OPCML: variants seen among roughly 807,000 people sequenced by gnomAD.
OPCML encodes opioid binding protein/cell adhesion molecule like, also known as opioid-binding protein/cell adhesion molecule.
Under a neutral mutation model 37.8 loss-of-function variants are expected in OPCML, and 13 were observed. The ratio of observed to expected loss-of-function variants is 0.34; its 90% CI spans 0.22 to 0.55. The LOEUF (loss-of-function observed/expected upper bound fraction) is 0.55. OPCML is among the 20% of genes least tolerant of loss of function. The pLI, the probability that OPCML is intolerant of heterozygous loss-of-function variation, is 0.91. For synonymous variants in OPCML, 176 were observed against 168.8 expected (o/e 1.04, Z -0.33); for missense variants, 341 against 435.6 (o/e 0.78, Z 1.93).
At chr11:133,061,954 C>A (rs1449989229) in intron 1 of OPCML, among the ~76,000 whole-genome samples, 2 of 152,008 alleles carry the variant, frequency 1.3e-5, no homozygotes, top group Non-Finnish European at 2.9e-5. Flanking sequence ...TTGAGGAAGC[C>A]CATTGGATGG....
At chr11:132,865,271 T>C (rs1419313927) in intron 2 of OPCML, among the ~76,000 whole-genome samples, 1 of 152,206 alleles carries the variant, frequency 6.6e-6, no homozygotes, top group African/African-American at 2.4e-5. Flanking sequence ...CAAATATGGT[T>C]TGTTCATCAT....
chr11:132,613,129 C>T (rs138041832), intron 3 of OPCML, among the ~76,000 whole-genome samples: 183 of 152,284 alleles, frequency 1.2e-3, no homozygotes, highest in African/African-American at 3.8e-3. Context: ...GAGCTGCTGG[C>T]GGGGATGTCA....
At chr11:132,565,458 C>T (rs1288724255) in intron 3 of OPCML, among the ~76,000 whole-genome samples, 1 of 152,130 alleles carries the variant, frequency 6.6e-6, no homozygotes, top group East Asian at 1.9e-4. Context: ...TGAATGGACC[C>T]ACAGGGACCA....
At chr11:133,375,656 T>C (rs192784835) in intron 1 of OPCML, among the ~76,000 whole-genome samples, 1 of 152,272 alleles carries the variant, frequency 6.6e-6, no homozygotes, top group Admixed American at 6.5e-5. Flanking sequence ...CTCCTTGTAC[T>C]TACACTTATC....
intron 1 of OPCML, chr11:133,005,152 C>T: frequency 3.0e-6 from 3 of 985,410 alleles, no homozygotes; most frequent in Non-Finnish European, 3.6e-6. Context: ...TGCTCCTGCA[C>T]CACTGACCCT....
At chr11:132,991,779 T>G (rs1946782450) in intron 1 of OPCML, among the ~76,000 whole-genome samples, 1 of 152,168 alleles carries the variant, frequency 6.6e-6, no homozygotes, top group Non-Finnish European at 1.5e-5. Context: ...ACCCCAAGGT[T>G]GATTCCCGAT....
chr11:133,317,945 G>A (rs777619378), intron 1 of OPCML, among the ~76,000 whole-genome samples: 2 of 152,124 alleles, frequency 1.3e-5, no homozygotes, highest in Admixed American at 6.5e-5. Context: ...GGCCCACATC[G>A]AAGCGCTTCA....
chr11:132,501,249 A>T (rs371465250), intron 4 of OPCML, among the ~76,000 whole-genome samples: 2 of 152,232 alleles, frequency 1.3e-5, no homozygotes, highest in East Asian at 1.9e-4. Context: ...TCAAAGACTT[A>T]AATGTAAAAC....
chr11:132,899,312 A>G (rs527985222), intron 2 of OPCML, among the ~76,000 whole-genome samples: 1 of 152,334 alleles, frequency 6.6e-6, no homozygotes, highest in South Asian at 2.1e-4. Flanking sequence ...TATACATGTT[A>G]TAAATATGTT....
At chr11:133,004,310 TTTTTA>T (rs779485580) in intron 1 of OPCML, 21 of 985,336 alleles carry the variant, frequency 2.1e-5, no homozygotes, top group Middle Eastern at 5.2e-4. Flanking sequence ...TGTAATTTAA[TTTTTA>T]TTTTATTTTG....
chr11:132,863,156 C>A (rs916860356), intron 2 of OPCML, among the ~76,000 whole-genome samples: 1 of 152,050 alleles, frequency 6.6e-6, no homozygotes, highest in Non-Finnish European at 1.5e-5. Flanking sequence ...ACCCTTCCTG[C>A]CTGTAGCTAC....
intron 3 of OPCML, among the ~76,000 whole-genome samples, chr11:132,625,570 A>C (rs748568023): frequency 9.8e-5 from 15 of 152,318 alleles, no homozygotes; most frequent in Non-Finnish European, 1.9e-4. Flanking sequence ...AGGAAAGAAG[A>C]GATTCACATT....
At chr11:132,877,283 C>A (rs1565930265) in intron 2 of OPCML, among the ~76,000 whole-genome samples, 1 of 152,058 alleles carries the variant, frequency 6.6e-6, no homozygotes, top group Non-Finnish European at 1.5e-5. Flanking sequence ...AGGAACTAAG[C>A]TGCACCCCCC....
At chr11:133,279,229 T>A (rs986685540) in intron 1 of OPCML, among the ~76,000 whole-genome samples, 1 of 152,190 alleles carries the variant, frequency 6.6e-6, no homozygotes, top group Non-Finnish European at 1.5e-5. Context: ...AATCTCCCCA[T>A]CTCACAAATC....
chr11:132,947,557 G>A (rs1342611968), intron 1 of OPCML, among the ~76,000 whole-genome samples: 1 of 152,218 alleles, frequency 6.6e-6, no homozygotes, highest in Non-Finnish European at 1.5e-5. Flanking sequence ...ACAGTTGTGT[G>A]GGAGAGACTT....
At chr11:133,081,607 C>T (rs902225674) in intron 1 of OPCML, among the ~76,000 whole-genome samples, 2 of 152,196 alleles carry the variant, frequency 1.3e-5, no homozygotes, top group East Asian at 1.9e-4. Flanking sequence ...GCTTCTATCA[C>T]ATTCTCCCTT....
chr11:132,672,676 G>A (rs143676415), intron 2 of OPCML, among the ~76,000 whole-genome samples: 169 of 152,258 alleles, frequency 1.1e-3, no homozygotes, highest in African/African-American at 3.6e-3. Flanking sequence ...TTAAGAGAGC[G>A]AGAATTGTTT....
intron 3 of OPCML, among the ~76,000 whole-genome samples, chr11:132,638,163 CTATATATATA>C (rs71905540): frequency 0.71 from 90,816 of 128,254 alleles, 30,551 homozygotes; most frequent in African/African-American, 0.78. Context: ...TATATACAGA[CTATATATATA>C]TATATATATA....
chr11:132,603,529 C>T (rs771521953), intron 3 of OPCML, among the ~76,000 whole-genome samples: 18 of 152,226 alleles, frequency 1.2e-4, no homozygotes, highest in Non-Finnish European at 2.4e-4. Flanking sequence ...ACTACAGCAG[C>T]TTCCTAAACT....
Sources: allele counts gnomAD v4.1 joint callset (sites outside exome capture counted in the v4.1 genomes callset), GRCh38; gene constraint gnomAD v4.1.1; transcripts MANE v1.5; gene names NCBI Gene and HGNC (gene_info 2026-07-23, HGNC 2026-07-21).